The following MTUS2 variants were observed in gnomAD, a reference collection of about 807,000 sequenced individuals.
MTUS2 encodes microtubule-associated tumor suppressor candidate 2.
In MTUS2, 40 loss-of-function variants were observed where a neutral mutation model predicts 114.1. The ratio of observed to expected loss-of-function variants is 0.35; its 90% confidence interval spans 0.27 to 0.46. The LOEUF is 0.46. MTUS2 is among the 20% of genes least tolerant of loss of function. The pLI is 1.00. For synonymous variants in MTUS2, 688 were observed against 672.0 expected (o/e 1.02, Z -0.37); for missense variants, 1,679 against 1,705.4 (o/e 0.98, Z 0.27).
rs528539980 is a variant in MTUS2, at chr13:28,887,834, T to C, written c.-243+47984T>C. On this transcript the variant is annotated intron_variant, in intron 2 of 15. Transcript: ENST00000612955. ...AGCTATCCTCTGGGCAGTTAGTTTC[T>C]CTTCTTACCTCCTTCATGACATCTA... 5.3e-5 allele frequency among the ~76,000 whole-genome samples: 8 copies of C among 152,334 alleles called. No individual in the cohort carries two copies. In the South Asian group the frequency reaches 1.2e-3, roughly 24 times the overall value.
intron 9 of MTUS2, among the ~76,000 whole-genome samples, chr13:29,462,450 G>A (rs1879566718): frequency 6.6e-6 from 1 of 152,202 alleles, no homozygotes; most frequent in Non-Finnish European, 1.5e-5. Context: ...TGGAACAGTG[G>A]AGAGAAAACA....
chr13:29,481,464 G>A (rs953085661), intron 10 of MTUS2, among the ~76,000 whole-genome samples: 3 of 152,034 alleles, frequency 2.0e-5, no homozygotes, highest in Non-Finnish European at 4.4e-5. Flanking sequence ...TAATTGGTGT[G>A]TTGCTTTATA....
At position 28,849,428 on chromosome 13, in the gene MTUS2, A is replaced by G. The variant is rs183555967; in HGVS notation, c.-243+9578A>G. Reference sequence around the variant, plus strand: ...AAGTTCATGAAAGCCCAGTTGGTCTACAGCCACAGAGGAATATGCTCTAAG... The same window carrying G: ...AAGTTCATGAAAGCCCAGTTGGTCTGCAGCCACAGAGGAATATGCTCTAAG... On this transcript the variant is annotated intron_variant, in intron 2 of 15. Coordinates refer to ENST00000612955, the MANE Select transcript of MTUS2 (RefSeq NM_001033602.4). 9.2e-5 allele frequency among the ~76,000 whole-genome samples: 14 copies of G among 152,348 alleles called. 1 individual carries two copies. The highest frequency in any genetic ancestry group is 2.1e-4 in the Non-Finnish European group (14 of 68,040).
chr13:29,051,579 G>A lies in MTUS2; in HGVS notation c.2446+17454G>A, dbSNP rs146058688. 7.9e-5 allele frequency among the ~76,000 whole-genome samples: 12 copies of A among 152,304 alleles called. No homozygotes were observed. The East Asian group carries it at 2.3e-3, about 29-fold the overall frequency. On this transcript the variant is annotated intron_variant, in intron 4 of 15. Transcript: ENST00000612955. ...TTCTGACATTTAAAGATCTGGCAAA[G>A]AAGGCTCAGCAGCAACAGCTAGTAT... is the stretch of plus-strand genomic sequence containing the variant.
intron 5 of MTUS2, among the ~76,000 whole-genome samples, chr13:29,157,220 C>T (rs1346682536): frequency 6.6e-6 from 1 of 152,094 alleles, no homozygotes. Flanking sequence ...TCTAATGTTT[C>T]TCTAGGGCTA....
chr13:29,194,013 A>G (rs1894561622), intron 5 of MTUS2, among the ~76,000 whole-genome samples: 1 of 151,700 alleles, frequency 6.6e-6, no homozygotes, highest in South Asian at 2.1e-4. Context: ...CTATTTAATA[A>G]ATGGTGCTGG....
intron 5 of MTUS2, among the ~76,000 whole-genome samples, chr13:29,202,647 C>T (rs1895008663): frequency 6.6e-6 from 1 of 152,176 alleles, no homozygotes; most frequent in South Asian, 2.1e-4. Flanking sequence ...CATGGATTAT[C>T]TACCTTTGGT....
intron 4 of MTUS2, among the ~76,000 whole-genome samples, chr13:29,047,619 T>C (rs1887689779): frequency 6.6e-6 from 1 of 151,860 alleles, no homozygotes; most frequent in Admixed American, 6.6e-5. Context: ...GTTCATGCCA[T>C]TCTCCTGCCT....
chr13:29,132,823 A>G (rs1891822472), intron 5 of MTUS2, among the ~76,000 whole-genome samples: 1 of 152,204 alleles, frequency 6.6e-6, no homozygotes, highest in Non-Finnish European at 1.5e-5. Flanking sequence ...TGGGGGTACA[A>G]ATATACAAAT....
intron 5 of MTUS2, among the ~76,000 whole-genome samples, chr13:29,236,257 A>G (rs1287231017): frequency 6.6e-6 from 1 of 151,848 alleles, no homozygotes; most frequent in African/African-American, 2.4e-5. Flanking sequence ...CATTTATTTT[A>G]TTGTCTCTTA....
At chr13:29,342,612 A>C (rs1251118747) in intron 7 of MTUS2, among the ~76,000 whole-genome samples, 1 of 152,128 alleles carries the variant, frequency 6.6e-6, no homozygotes, top group African/African-American at 2.4e-5. Context: ...GAACAGCGAC[A>C]GTTTGACTTT....
At chr13:28,926,190 A>G (rs1881318589) in intron 2 of MTUS2, among the ~76,000 whole-genome samples, 1 of 152,234 alleles carries the variant, frequency 6.6e-6, no homozygotes, top group Non-Finnish European at 1.5e-5. Context: ...TCTGTTTCCA[A>G]AAGGTATGGA....
At chr13:28,888,815 T>TAG (rs1878748325) in intron 2 of MTUS2, among the ~76,000 whole-genome samples, 1 of 141,472 alleles carries the variant, frequency 7.1e-6, no homozygotes, top group African/African-American at 2.9e-5. Flanking sequence ...AAGAGATATT[T>TAG]CGAGAGAGAG....
chr13:29,143,165 C>T (rs1414159330), intron 5 of MTUS2, among the ~76,000 whole-genome samples: 1 of 152,086 alleles, frequency 6.6e-6, no homozygotes, highest in Non-Finnish European at 1.5e-5. Context: ...TAAACAGGGT[C>T]GGGATGAGCC....
chr13:29,111,823 T>A (rs1890896404), intron 5 of MTUS2, among the ~76,000 whole-genome samples: 1 of 152,148 alleles, frequency 6.6e-6, no homozygotes, highest in Non-Finnish European at 1.5e-5. Flanking sequence ...GTCAGAGGGT[T>A]TTTTGGGCTC....
intron 2 of MTUS2, among the ~76,000 whole-genome samples, chr13:28,934,823 A>G (rs1881803603): frequency 6.6e-6 from 1 of 152,164 alleles, no homozygotes; most frequent in African/African-American, 2.4e-5. Flanking sequence ...GTATTCAGTT[A>G]TAACTTATAT....
intron 5 of MTUS2, among the ~76,000 whole-genome samples, chr13:29,257,931 T>C (rs529124250): frequency 1.3e-5 from 2 of 152,292 alleles, no homozygotes; most frequent in South Asian, 2.1e-4. Context: ...GCACTGCAGG[T>C]TGAGGGCTCA....
intron 5 of MTUS2, among the ~76,000 whole-genome samples, chr13:29,139,899 C>G (rs1307071114): frequency 6.6e-6 from 1 of 152,170 alleles, no homozygotes; most frequent in Non-Finnish European, 1.5e-5. Flanking sequence ...CTGGCGCTCT[C>G]TCCATCAGCC....
intron 6 of MTUS2, among the ~76,000 whole-genome samples, chr13:29,290,169 A>G (rs1316077360): frequency 6.6e-6 from 1 of 152,142 alleles, no homozygotes; most frequent in Non-Finnish European, 1.5e-5. Flanking sequence ...CTAAGGGATT[A>G]TTTTTCCTGC....
Sources: allele counts gnomAD v4.1 joint callset (sites outside exome capture counted in the v4.1 genomes callset), GRCh38; gene constraint gnomAD v4.1.1; transcripts MANE v1.5; gene names NCBI Gene and HGNC (gene_info 2026-07-23, HGNC 2026-07-21).